The following CAST variants were observed in gnomAD, a reference collection of about 807,000 sequenced individuals.
CAST encodes calpastatin.
CAST carries 76 observed loss-of-function variants against 119.6 expected under a neutral mutation model. The ratio of observed to expected loss-of-function variants is 0.64; its 90% CI spans 0.53 to 0.77. The LOEUF (loss-of-function observed/expected upper bound fraction) is 0.77, where lower values mean the gene tolerates loss of function less well. Among genes scored for constraint, CAST ranks in the 30% least tolerant of loss-of-function variants. CAST has a pLI of 0.00. For missense variants in CAST, 953 were observed against 946.5 expected, an observed-to-expected ratio of 1.01 and a Z score of -0.09; for synonymous variants, 319 against 331.6, an observed-to-expected ratio of 0.96 and a Z score of 0.41.
chr5:96,152,530 C>T, the CAST span, among the ~76,000 whole-genome samples: 3 of 152,078 alleles, frequency 2.0e-5, no homozygotes, highest in South Asian at 2.1e-4. Context: ...GAACTCTGTC[C>T]GGCTGGGAGA....
the CAST span, among the ~76,000 whole-genome samples, chr5:96,032,738 G>A: frequency 6.6e-6 from 1 of 151,938 alleles, no homozygotes; most frequent in African/African-American, 2.4e-5. Context: ...ATTTATCATT[G>A]TGAAAAACTT....
chr5:96,374,576 AATT>A, the CAST span, among the ~76,000 whole-genome samples: 1 of 152,186 alleles, frequency 6.6e-6, no homozygotes, highest in Admixed American at 6.5e-5. Context: ...TGGGTACAGT[AATT>A]ATTTGTGTCT....
the CAST span, among the ~76,000 whole-genome samples, chr5:96,436,122 A>G: frequency 2.6e-5 from 4 of 152,240 alleles, no homozygotes; most frequent in African/African-American, 4.8e-5. Context: ...CCTGTTTGCT[A>G]TGGGTAACAT....
chr5:96,444,078 G>A, the CAST span, among the ~76,000 whole-genome samples: 1 of 152,170 alleles, frequency 6.6e-6, no homozygotes, highest in Non-Finnish European at 1.5e-5. Flanking sequence ...TCTTTTGGTT[G>A]AATCAGAGGT....
At chr5:96,527,041 A>T (rs1014693494), upstream of CAST, among the ~76,000 whole-genome samples, 2 of 152,202 alleles carry the variant, frequency 1.3e-5, no homozygotes, top group Admixed American at 1.3e-4. Context: ...GAGCAGGGAG[A>T]GAAGCAGTCA....
the CAST span, among the ~76,000 whole-genome samples, chr5:96,476,032 A>AAAGCCATCC: frequency 1.3e-5 from 2 of 152,192 alleles, no homozygotes; most frequent in Non-Finnish European, 2.9e-5. Flanking sequence ...GCAGGAAAAG[A>AAAGCCATCC]AAGCCATCCA....
intron 9 of CAST, among the ~76,000 whole-genome samples, chr5:96,735,744 G>A (rs761721275): frequency 1.3e-5 from 2 of 152,210 alleles, no homozygotes; most frequent in Non-Finnish European, 2.9e-5. Context: ...GGAAAGAGGA[G>A]GTGTTGAGAT....
At chr5:96,366,832 A>G in the CAST span, among the ~76,000 whole-genome samples, 1 of 152,192 alleles carries the variant, frequency 6.6e-6, no homozygotes, top group African/African-American at 2.4e-5. Context: ...TCAACATGTC[A>G]AAGTCATTCT....
At chr5:96,619,807 A>C (rs1747560707) in intron 1 of CAST, among the ~76,000 whole-genome samples, 1 of 151,790 alleles carries the variant, frequency 6.6e-6, no homozygotes. Flanking sequence ...AGAAACCACC[A>C]ATTTCCGACA....
At chr5:96,617,038 C>G (rs1747472812) in intron 1 of CAST, among the ~76,000 whole-genome samples, 1 of 152,120 alleles carries the variant, frequency 6.6e-6, no homozygotes, top group Non-Finnish European at 1.5e-5. Flanking sequence ...CACATCAAGG[C>G]CATTGCTTGA....
At chr5:96,746,792 C>T (rs919193443) in intron 17 of CAST, among the ~76,000 whole-genome samples, 11 of 152,144 alleles carry the variant, frequency 7.2e-5, no homozygotes, top group African/African-American at 2.7e-4. Context: ...TATGAATGCA[C>T]GAGGGTTTAC....
At chr5:95,975,866 G>A in the CAST span, among the ~76,000 whole-genome samples, 5 of 152,040 alleles carry the variant, frequency 3.3e-5, no homozygotes, top group African/African-American at 1.2e-4. Flanking sequence ...TGTTACTCAG[G>A]ATCCCATTAA....
At chr5:96,754,839 T>C in intron 22 of CAST, 98 bp downstream of exon 22, 1 of 732,462 alleles carries the variant, frequency 1.4e-6, no homozygotes, top group Non-Finnish European at 2.4e-6. Context: ...TATAAAGATC[T>C]TGTTTCTTCA....
the CAST span, among the ~76,000 whole-genome samples, chr5:96,238,633 C>G: frequency 4.0e-5 from 6 of 151,166 alleles, no homozygotes; most frequent in Non-Finnish European, 8.8e-5. Flanking sequence ...CCTCTGACCT[C>G]AAATGCTCTG....
the CAST span, among the ~76,000 whole-genome samples, chr5:96,387,840 C>A: frequency 6.6e-6 from 1 of 152,146 alleles, no homozygotes; most frequent in Non-Finnish European, 1.5e-5. Flanking sequence ...ACTGAGACAT[C>A]ATCGAGGTTT....
the CAST span, among the ~76,000 whole-genome samples, chr5:96,341,948 A>G: frequency 6.6e-6 from 1 of 152,204 alleles, no homozygotes; most frequent in Non-Finnish European, 1.5e-5. Flanking sequence ...AATTACCTTT[A>G]CCTTAGAAAA....
chr5:96,385,165 C>A, the CAST span, among the ~76,000 whole-genome samples: 1 of 152,194 alleles, frequency 6.6e-6, no homozygotes, highest in Admixed American at 6.5e-5. Context: ...GGGATTGATT[C>A]TTCATCCAAA....
the CAST span, chr5:96,412,364 C>G: frequency 3.1e-6 from 5 of 1,614,120 alleles, no homozygotes; most frequent in Non-Finnish European, 4.2e-6. Flanking sequence ...CCGGCCAGGC[C>G]CCTCCACAGT....
chr5:96,596,542 G>A (rs1747054150), intron 1 of CAST, among the ~76,000 whole-genome samples: 1 of 152,118 alleles, frequency 6.6e-6, no homozygotes, highest in Non-Finnish European at 1.5e-5. Context: ...AGCAAAAATA[G>A]GAAACTAAAA....
Sources: allele counts gnomAD v4.1 joint callset (sites outside exome capture counted in the v4.1 genomes callset), GRCh38; gene constraint gnomAD v4.1.1; transcripts MANE v1.5; gene names NCBI Gene and HGNC (gene_info 2026-07-23, HGNC 2026-07-21).